CHST8: variants seen among roughly 807,000 people sequenced by gnomAD.
The protein encoded by CHST8 is GALNAC-4-ST1.
CHST8 carries 10 observed loss-of-function variants against 15.0 expected under a neutral mutation model. That is an observed-to-expected ratio of 0.67 (90% confidence interval 0.41 to 1.13). The LOEUF is 1.13. Among genes scored for constraint, CHST8 ranks in the 50% most tolerant of loss-of-function variants. The probability of loss-of-function intolerance (pLI) is 0.00; values close to 1 mark genes in which losing one functional copy is unlikely to be tolerated. For synonymous variants in CHST8, 259 were observed against 256.6 expected (o/e 1.01, Z -0.09); for missense variants, 634 against 608.2 (o/e 1.04, Z -0.45).
intron 3 of CHST8, among the ~76,000 whole-genome samples, chr19:33,712,815 G>A (rs1340565054): frequency 6.6e-6 from 1 of 152,122 alleles, no homozygotes; most frequent in Non-Finnish European, 1.5e-5. Context: ...CCCCAACTTT[G>A]GTGCTGGGAT....
rs117904872 is a variant in CHST8, at chr19:33,642,162, C to A, written c.-164+19866C>A. ...GACTGTGGCCTTTGTTCTGGGACAT[C>A]CCTGTCTGCTGGGAAGGGGCCAAAG... On this transcript the variant is annotated intron_variant, in intron 1 of 4. Coordinates refer to ENST00000650847, the MANE Select transcript of CHST8 (RefSeq NM_001127895.2). 1.1e-3 allele frequency among the ~76,000 whole-genome samples: 172 copies of A among 152,116 alleles called. 1 individual carries two copies. Among genetic ancestry groups the A allele is most frequent in the East Asian group, 6.2e-3 (32 of 5,128 alleles).
At chr19:33,768,055 G>T (rs1481672592) in intron 3 of CHST8, among the ~76,000 whole-genome samples, 1 of 152,154 alleles carries the variant, frequency 6.6e-6, no homozygotes, top group African/African-American at 2.4e-5. Flanking sequence ...TGATGGAGCT[G>T]TCCAGGGTCC....
intron 3 of CHST8, among the ~76,000 whole-genome samples, chr19:33,711,756 C>T (rs191226907): frequency 6.6e-6 from 1 of 152,102 alleles, no homozygotes; most frequent in Non-Finnish European, 1.5e-5. Context: ...CTCAGCCTCC[C>T]GAGTACCTGG....
chr19:33,761,231 G>A (rs188846150), intron 3 of CHST8, among the ~76,000 whole-genome samples: 13 of 152,312 alleles, frequency 8.5e-5, no homozygotes, highest in Admixed American at 2.6e-4. Context: ...AGCCAGGCAC[G>A]GTGGCTTATG....
At chr19:33,642,803 T>C (rs10853928) in intron 1 of CHST8, among the ~76,000 whole-genome samples, 80,901 of 152,142 alleles carry the variant, frequency 0.53, 22,132 homozygotes, top group East Asian at 0.76. Flanking sequence ...CTCTATCGCT[T>C]TATATACGTA....
intron 3 of CHST8, among the ~76,000 whole-genome samples, chr19:33,699,389 G>A (rs543876858): frequency 8.5e-5 from 13 of 152,300 alleles, no homozygotes; most frequent in South Asian, 8.3e-4. Context: ...GCTCAGCGGC[G>A]CCTGGGGGAC....
At chr19:33,723,055 G>A (rs1460427029) in intron 3 of CHST8, among the ~76,000 whole-genome samples, 1 of 152,178 alleles carries the variant, frequency 6.6e-6, no homozygotes, top group East Asian at 1.9e-4. Flanking sequence ...AGAGCCCAGG[G>A]CACCAGCCTG....
At chr19:33,721,171 C>T (rs1034324123) in intron 3 of CHST8, among the ~76,000 whole-genome samples, 8 of 152,202 alleles carry the variant, frequency 5.3e-5, no homozygotes, top group South Asian at 4.1e-4. Flanking sequence ...TCTGGGGGCC[C>T]GCAGCCATGG....
intron 3 of CHST8, among the ~76,000 whole-genome samples, chr19:33,694,312 GC>G (rs1171102365): frequency 1.4e-4 from 21 of 149,502 alleles, no homozygotes; most frequent in African/African-American, 5.2e-4. Context: ...TTTAAGTGGG[GC>G]TACCCCATGT....
intron 1 of CHST8, among the ~76,000 whole-genome samples, chr19:33,643,193 G>A (rs553113037): frequency 2.6e-4 from 39 of 152,258 alleles, no homozygotes; most frequent in Non-Finnish European, 3.5e-4. Flanking sequence ...CAAGCGGTGC[G>A]TGAGCGGGCC....
At chr19:33,720,738 T>C (rs890982720) in intron 3 of CHST8, among the ~76,000 whole-genome samples, 1 of 152,260 alleles carries the variant, frequency 6.6e-6, no homozygotes, top group Non-Finnish European at 1.5e-5. Flanking sequence ...GGCAGTGGTA[T>C]GCAGTGTCAG....
At chr19:33,711,207 T>A (rs968107570) in intron 3 of CHST8, among the ~76,000 whole-genome samples, 9 of 152,184 alleles carry the variant, frequency 5.9e-5, no homozygotes, top group Admixed American at 1.3e-4. Context: ...TTGTTTTTCC[T>A]GTTCCGTCAT....
chr19:33,770,572 C>T (rs1209224123), intron 3 of CHST8, among the ~76,000 whole-genome samples: 1 of 152,248 alleles, frequency 6.6e-6, no homozygotes, highest in Non-Finnish European at 1.5e-5. Context: ...ACAGAATATT[C>T]TGCTCTGGCC....
chr19:33,703,547 C>T (rs1016293556), intron 3 of CHST8, among the ~76,000 whole-genome samples: 4 of 152,194 alleles, frequency 2.6e-5, no homozygotes, highest in African/African-American at 9.6e-5. Flanking sequence ...TAGGGGCGGG[C>T]GCGGGCCCAC....
intron 3 of CHST8, among the ~76,000 whole-genome samples, chr19:33,690,266 A>T (rs893950512): frequency 6.6e-6 from 1 of 152,112 alleles, no homozygotes; most frequent in Non-Finnish European, 1.5e-5. Flanking sequence ...CTGCAGGGAC[A>T]CCCACTCACT....
intron 1 of CHST8, among the ~76,000 whole-genome samples, chr19:33,634,554 G>A (rs1178992340): frequency 6.6e-6 from 1 of 151,462 alleles, no homozygotes; most frequent in Non-Finnish European, 1.5e-5. Flanking sequence ...ACCTGCCCCA[G>A]AATCACGTGG....
At chr19:33,694,443 C>A (rs1457851498) in intron 3 of CHST8, among the ~76,000 whole-genome samples, 2 of 151,644 alleles carry the variant, frequency 1.3e-5, no homozygotes, top group Admixed American at 1.3e-4. Flanking sequence ...CTGGCACAGA[C>A]AATGGGATTG....
At chr19:33,713,271 C>T (rs893473205) in intron 3 of CHST8, among the ~76,000 whole-genome samples, 86 of 152,304 alleles carry the variant, frequency 5.6e-4, no homozygotes, top group African/African-American at 1.9e-3. Context: ...GCCACATCTT[C>T]CTTTCAAGAT....
chr19:33,651,344 G>A (rs1015473819), intron 1 of CHST8, among the ~76,000 whole-genome samples: 1 of 150,250 alleles, frequency 6.7e-6, no homozygotes, highest in African/African-American at 2.5e-5. Context: ...AATCATGATT[G>A]TATCTATGGG....
Sources: gnomAD v4.1 joint callset for allele counts (sites outside exome capture counted in the v4.1 genomes callset) on GRCh38, gnomAD v4.1.1 for gene constraint, MANE v1.5 for transcripts, NCBI Gene and HGNC (gene_info 2026-07-23, HGNC 2026-07-21) for gene names.